The following CDH13 variants were observed in gnomAD, a reference collection of about 807,000 sequenced individuals.
The protein encoded by CDH13 is cadherin-13.
In CDH13, 24 loss-of-function variants were observed where a neutral mutation model predicts 63.8. The observed-to-expected ratio is 0.38, with a 90% confidence interval of 0.27 to 0.53. CDH13 has a LOEUF of 0.53. CDH13 is among the 20% of genes least tolerant of loss of function. The probability of loss-of-function intolerance (pLI) is 0.85; values close to 1 mark genes in which losing one functional copy is unlikely to be tolerated. For synonymous variants in CDH13, 503 were observed against 355.3 expected (o/e 1.42, Z -4.67); for missense variants, 1,049 against 903.1 (o/e 1.16, Z -2.07).
chr16:83,304,194 A>G (rs1442401792), intron 5 of CDH13, among the ~76,000 whole-genome samples: 1 of 152,184 alleles, frequency 6.6e-6, no homozygotes, highest in African/African-American at 2.4e-5. Context: ...CAGCCATAAG[A>G]AATGTGGGTT....
chr16:83,508,098 A>AGGAAGGAAGGAAGGAAGGAAGGAG (rs1285805792), intron 7 of CDH13, among the ~76,000 whole-genome samples: 1 of 77,896 alleles, frequency 1.3e-5, no homozygotes, highest in African/African-American at 5.1e-5. Flanking sequence ...GAAGGAAGGA[A>AGGAAGGAAGGAAGGAAGGAAGGAG]AGAAGGAAGG....
In CDH13 at chr16:83,489,337, C is replaced by G. The variant is rs115537230; in HGVS notation, c.960+2682C>G. On this transcript the variant is annotated intron_variant, in intron 7 of 13. Transcript: ENST00000567109. ...ATTTCTAGTCACAAAACATCAACAG[C>G]CCCCCAAAAAAGATCAACTCAATTT... Among the ~76,000 whole-genome samples the G allele has an allele frequency of 8.7e-3, 1,327 of 152,124 alleles. 18 individuals are homozygous for G. Among genetic ancestry groups the G allele is most frequent in the African/African-American group, 0.03 (1,250 of 41,494 alleles).
intron 3 of CDH13, among the ~76,000 whole-genome samples, chr16:83,071,719 A>C (rs906577998): frequency 4.6e-5 from 7 of 152,242 alleles, no homozygotes; most frequent in Non-Finnish European, 7.3e-5. Flanking sequence ...CTATGTGGAG[A>C]AAATTTAACC....
intron 6 of CDH13, among the ~76,000 whole-genome samples, chr16:83,400,578 C>T (rs537740746): frequency 6.6e-6 from 1 of 152,294 alleles, no homozygotes; most frequent in African/African-American, 2.4e-5. Context: ...CAGTTTTTGC[C>T]ATTGAAAGTA....
At chr16:82,646,244 C>T (rs930502080) in intron 1 of CDH13, 1 of 152,264 alleles carries the variant, frequency 6.6e-6, no homozygotes, top group African/African-American at 2.4e-5. Context: ...GGCTGAAGTG[C>T]AGTGGCGTGA....
intron 1 of CDH13, among the ~76,000 whole-genome samples, chr16:82,665,083 T>A (rs1345796412): frequency 6.6e-6 from 1 of 152,208 alleles, no homozygotes; most frequent in African/African-American, 2.4e-5. Flanking sequence ...ATGTATATGC[T>A]TCCAGGTGCA....
chr16:83,512,315 C>T (rs569044264), intron 7 of CDH13, among the ~76,000 whole-genome samples: 9 of 130,512 alleles, frequency 6.9e-5, no homozygotes, highest in South Asian at 2.5e-4. Flanking sequence ...AGTGAAACTC[C>T]GTCTCAAAAT....
chr16:83,564,570 A>G (rs1384460000), intron 7 of CDH13, among the ~76,000 whole-genome samples: 1 of 151,910 alleles, frequency 6.6e-6, no homozygotes, highest in Non-Finnish European at 1.5e-5. Context: ...CACCACACCC[A>G]GCTAATTTTT....
At chr16:82,970,951 C>G (rs140821545) in intron 2 of CDH13, among the ~76,000 whole-genome samples, 19 of 152,212 alleles carry the variant, frequency 1.2e-4, no homozygotes, top group African/African-American at 4.6e-4. Context: ...GTTGAATGTA[C>G]AAATAAATGT....
intron 1 of CDH13, among the ~76,000 whole-genome samples, chr16:82,743,227 AAT>A (rs925419643): frequency 6.6e-6 from 1 of 152,130 alleles, no homozygotes; most frequent in Non-Finnish European, 1.5e-5. Context: ...GACCAGTGCT[AAT>A]ATGTTTTTTG....
intron 5 of CDH13, among the ~76,000 whole-genome samples, chr16:83,293,094 A>T (rs2089502991): frequency 2.0e-5 from 3 of 152,160 alleles, no homozygotes; most frequent in Admixed American, 1.3e-4. Context: ...TTACTGTGTG[A>T]TGTTAGATTC....
At chr16:83,784,556 C>T (rs1428244111) in intron 13 of CDH13, among the ~76,000 whole-genome samples, 3 of 147,816 alleles carry the variant, frequency 2.0e-5, no homozygotes, top group East Asian at 2.0e-4. Context: ...CACTTGAACC[C>T]GGGAGGCGGA....
intron 3 of CDH13, among the ~76,000 whole-genome samples, chr16:83,057,782 A>C (rs1168566795): frequency 6.6e-6 from 1 of 152,148 alleles, no homozygotes; most frequent in East Asian, 1.9e-4. Context: ...ACTCCAGAAA[A>C]GGGGTGAGGG....
intron 1 of CDH13, among the ~76,000 whole-genome samples, chr16:82,640,402 G>A (rs545660130): frequency 8.5e-5 from 13 of 152,142 alleles, no homozygotes; most frequent in African/African-American, 3.1e-4. Flanking sequence ...TACGAATATG[G>A]CAACTAATGA....
chr16:83,317,531 A>C (rs765717041), intron 5 of CDH13, among the ~76,000 whole-genome samples: 3 of 152,134 alleles, frequency 2.0e-5, no homozygotes, highest in African/African-American at 7.2e-5. Context: ...GCGCCAGTCA[A>C]GTGCTGCAAG....
intron 7 of CDH13, among the ~76,000 whole-genome samples, chr16:83,510,688 G>A (rs1215602606): frequency 1.3e-5 from 2 of 152,124 alleles, no homozygotes; most frequent in Admixed American, 6.5e-5. Context: ...AGTGTACCAC[G>A]AGGTCCTTGT....
At chr16:83,588,130 T>G (rs539516706) in intron 7 of CDH13, among the ~76,000 whole-genome samples, 1 of 152,208 alleles carries the variant, frequency 6.6e-6, no homozygotes, top group South Asian at 2.1e-4. Flanking sequence ...GCCCAGCCCA[T>G]CAGCTCCAAA....
intron 2 of CDH13, chr16:82,990,215 A>G (rs528594287): frequency 2.0e-5 from 3 of 152,300 alleles, no homozygotes; most frequent in Non-Finnish European, 2.9e-5. Context: ...TTCAAAGTTC[A>G]TCTTTGAAAT....
At chr16:83,534,345 C>A (rs561645450) in intron 7 of CDH13, among the ~76,000 whole-genome samples, 1 of 152,168 alleles carries the variant, frequency 6.6e-6, no homozygotes, top group Non-Finnish European at 1.5e-5. Flanking sequence ...GTTCTTTGAC[C>A]TCTTCATTTT....
Sources: allele counts gnomAD v4.1 joint callset (sites outside exome capture counted in the v4.1 genomes callset), GRCh38; gene constraint gnomAD v4.1.1; transcripts MANE v1.5; gene names NCBI Gene and HGNC (gene_info 2026-07-23, HGNC 2026-07-21).